Variants in NXPE2 observed in about 807,000 individuals in gnomAD.
NXPE2 encodes neurexophilin and PC-esterase domain family member 2, also known as NXPE family member 2.
In NXPE2, 34 loss-of-function variants were observed where a neutral mutation model predicts 34.4. The observed-to-expected ratio is 0.99, with a 90% CI of 0.75 to 1.31. The LOEUF (loss-of-function observed/expected upper bound fraction) is 1.31. Ranked by LOEUF, NXPE2 falls within the 40% of genes most tolerant of loss-of-function variation. The probability of loss-of-function intolerance (pLI) is 0.00; values close to 1 mark genes in which losing one functional copy is unlikely to be tolerated. For missense variants in NXPE2, 649 were observed against 672.5 expected (o/e 0.97, Z 0.39); for synonymous variants, 235 against 231.3 (o/e 1.02, Z -0.15).
chr11:114,707,122 G>T (rs999501284), downstream of NXPE2, among the ~76,000 whole-genome samples: 1 of 152,032 alleles, frequency 6.6e-6, no homozygotes, highest in East Asian at 1.9e-4. Flanking sequence ...ATAGAGTTTT[G>T]CTCCTGTTGC....
the NXPE2 span, among the ~76,000 whole-genome samples, chr11:114,748,729 T>G: frequency 1.3e-5 from 2 of 152,232 alleles, no homozygotes; most frequent in African/African-American, 4.8e-5. Flanking sequence ...GTTACTTGAA[T>G]GAGATGGTAT....
At chr11:114,813,374 G>C in the NXPE2 span, among the ~76,000 whole-genome samples, 1 of 152,178 alleles carries the variant, frequency 6.6e-6, no homozygotes, top group Non-Finnish European at 1.5e-5. Flanking sequence ...GGAGGGACCA[G>C]GCCAGGCTGG....
At chr11:114,773,273 A>ACCC in the NXPE2 span, among the ~76,000 whole-genome samples, 23 of 37,268 alleles carry the variant, frequency 6.2e-4, no homozygotes, top group Admixed American at 1.2e-3. Flanking sequence ...TACACAACCC[A>ACCC]CTCCCACCCC....
the NXPE2 span, among the ~76,000 whole-genome samples, chr11:114,621,770 T>G: frequency 6.6e-6 from 1 of 152,128 alleles, no homozygotes; most frequent in Non-Finnish European, 1.5e-5. Flanking sequence ...TATTGCCTCA[T>G]GGGTAACCAC....
chr11:114,696,676 A>T (rs1348574276), intron 2 of NXPE2, among the ~76,000 whole-genome samples: 1 of 152,230 alleles, frequency 6.6e-6, no homozygotes, highest in Non-Finnish European at 1.5e-5. Flanking sequence ...AAAAGGAAAA[A>T]TTCAGAATCA....
chr11:114,744,934 A>G, the NXPE2 span, among the ~76,000 whole-genome samples: 1 of 152,246 alleles, frequency 6.6e-6, no homozygotes, highest in South Asian at 2.1e-4. Context: ...GAATTTAAAA[A>G]TAGTTAATAA....
At chr11:114,528,288 C>T in the NXPE2 span, among the ~76,000 whole-genome samples, 2 of 152,114 alleles carry the variant, frequency 1.3e-5, no homozygotes, top group Non-Finnish European at 2.9e-5. Context: ...TCAGTTTTAT[C>T]CCACCTAAAT....
chr11:114,670,751 TGGA>T, the NXPE2 span, among the ~76,000 whole-genome samples: 1 of 151,018 alleles, frequency 6.6e-6, no homozygotes, highest in Admixed American at 6.6e-5. Context: ...TTCCATAGAG[TGGA>T]GATCAGTATA....
chr11:114,638,799 G>A, the NXPE2 span, among the ~76,000 whole-genome samples: 1 of 152,010 alleles, frequency 6.6e-6, no homozygotes, highest in African/African-American at 2.4e-5. Context: ...AACCGTGAAT[G>A]CTGCTGTCTG....
chr11:114,707,156 A>G (rs553180927), downstream of NXPE2, among the ~76,000 whole-genome samples: 1 of 152,234 alleles, frequency 6.6e-6, no homozygotes, highest in South Asian at 2.1e-4. Flanking sequence ...CAGTGATGTG[A>G]TCTTGGGTTA....
chr11:114,669,252 A>G, the NXPE2 span, among the ~76,000 whole-genome samples: 4 of 152,088 alleles, frequency 2.6e-5, no homozygotes, highest in African/African-American at 9.7e-5. Context: ...ATGAATAAAC[A>G]TTTTTTGAAG....
the NXPE2 span, among the ~76,000 whole-genome samples, chr11:114,661,728 G>C: frequency 6.6e-5 from 10 of 152,150 alleles, no homozygotes; most frequent in Non-Finnish European, 1.3e-4. Flanking sequence ...CAAGGCCACT[G>C]GTGACTTGTC....
chr11:114,471,172 C>T, the NXPE2 span, among the ~76,000 whole-genome samples: 1 of 152,132 alleles, frequency 6.6e-6, no homozygotes, highest in Non-Finnish European at 1.5e-5. Flanking sequence ...TTTAATAGAT[C>T]AGGCTTTTGG....
chr11:114,625,035 G>A, the NXPE2 span, among the ~76,000 whole-genome samples: 1 of 152,070 alleles, frequency 6.6e-6, no homozygotes, highest in Admixed American at 6.5e-5. Flanking sequence ...TGCCTCGGGG[G>A]TAAACACTGT....
chr11:114,497,167 A>T, the NXPE2 span, among the ~76,000 whole-genome samples: 1 of 152,158 alleles, frequency 6.6e-6, no homozygotes, highest in Non-Finnish European at 1.5e-5. Flanking sequence ...TGAAGGTGGA[A>T]GACAGTGATA....
chr11:114,639,333 A>C, the NXPE2 span, among the ~76,000 whole-genome samples: 2 of 151,320 alleles, frequency 1.3e-5, no homozygotes, highest in Middle Eastern at 3.2e-3. Flanking sequence ...GTGCAGTATT[A>C]GGGTGGGAGT....
the NXPE2 span, among the ~76,000 whole-genome samples, chr11:114,729,390 T>C: frequency 2.0e-5 from 3 of 152,176 alleles, no homozygotes; most frequent in Non-Finnish European, 4.4e-5. Context: ...TGTGTCTCTT[T>C]GGTAGAATAA....
chr11:114,812,170 G>A, the NXPE2 span, among the ~76,000 whole-genome samples: 4 of 152,132 alleles, frequency 2.6e-5, no homozygotes, highest in Admixed American at 6.5e-5. Flanking sequence ...TAGTCCTAGC[G>A]CCTGGGAGCA....
chr11:114,464,878 CAAATG>C, the NXPE2 span, among the ~76,000 whole-genome samples: 3 of 151,444 alleles, frequency 2.0e-5, no homozygotes, highest in Non-Finnish European at 2.9e-5. Flanking sequence ...ATCCAATAGA[CAAATG>C]AAGAAAGCAT....
Sources: allele counts gnomAD v4.1 joint callset (sites outside exome capture counted in the v4.1 genomes callset), GRCh38; gene constraint gnomAD v4.1.1; transcripts MANE v1.5; gene names NCBI Gene and HGNC (gene_info 2026-07-23, HGNC 2026-07-21).